The following NRXN3 variants were observed in gnomAD, a reference collection of about 807,000 sequenced individuals.
NRXN3 encodes the protein neurexin 3.
A neutral mutation model predicts 137.6 loss-of-function variants in NRXN3; 32 were observed. The ratio of observed to expected loss-of-function variants is 0.23; its 90% CI spans 0.18 to 0.31. The LOEUF is 0.31. Among genes scored for constraint, NRXN3 ranks in the 10% least tolerant of loss-of-function variants. NRXN3 has a pLI of 1.00. For missense variants in NRXN3, 1,574 were observed against 2,062.5 expected, an observed-to-expected ratio of 0.76 and a Z score of 4.59; for synonymous variants, 798 against 784.5, an observed-to-expected ratio of 1.02 and a Z score of -0.29.
At chr14:79,106,290 A>G (rs2052421297) in intron 15 of NRXN3, among the ~76,000 whole-genome samples, 2 of 152,038 alleles carry the variant, frequency 1.3e-5, no homozygotes, top group Admixed American at 1.3e-4. Context: ...GCTTGGACTG[A>G]AACCCAATTC....
At chr14:79,112,204 A>G (rs1205384302) in intron 15 of NRXN3, among the ~76,000 whole-genome samples, 1 of 152,240 alleles carries the variant, frequency 6.6e-6, no homozygotes, top group Non-Finnish European at 1.5e-5. Flanking sequence ...ATGTTTAAAA[A>G]GTAACCCTTT....
intron 15 of NRXN3, among the ~76,000 whole-genome samples, chr14:79,004,579 T>C (rs1380816605): frequency 2.0e-5 from 3 of 152,230 alleles, no homozygotes; most frequent in Non-Finnish European, 4.4e-5. Flanking sequence ...AAATATTTCA[T>C]GCTAAATAAG....
intron 15 of NRXN3, among the ~76,000 whole-genome samples, chr14:79,305,889 G>A (rs2085963818): frequency 6.6e-6 from 1 of 152,070 alleles, no homozygotes; most frequent in Admixed American, 6.6e-5. Context: ...AACAAATAAA[G>A]TGGGGTCGGA....
chr14:79,508,830 A>G (rs1401136388), intron 16 of NRXN3, among the ~76,000 whole-genome samples: 4 of 152,194 alleles, frequency 2.6e-5, no homozygotes, highest in African/African-American at 9.7e-5. Context: ...GCTTGATTAC[A>G]TTTTAGGAAA....
At chr14:79,185,521 AGTG>A (rs2063430146) in intron 15 of NRXN3, among the ~76,000 whole-genome samples, 1 of 148,694 alleles carries the variant, frequency 6.7e-6, no homozygotes, top group African/African-American at 2.5e-5. Context: ...GCTGGAGTGC[AGTG>A]GCACAATCTT....
chr14:79,063,080 A>C (rs2099676212), intron 15 of NRXN3, among the ~76,000 whole-genome samples: 1 of 152,172 alleles, frequency 6.6e-6, no homozygotes, highest in Admixed American at 6.5e-5. Flanking sequence ...GGTGTGTTCA[A>C]CTGTGGACAT....
At chr14:78,643,399 C>T (rs539301676) in intron 4 of NRXN3, among the ~76,000 whole-genome samples, 1 of 152,252 alleles carries the variant, frequency 6.6e-6, no homozygotes, top group East Asian at 1.9e-4. Flanking sequence ...TAATGAGGTG[C>T]TTTTGATAGC....
rs534351827 is a variant in NRXN3 at position 79,660,543 on chromosome 14, C to A, written c.3445-3235C>A. ...ATATTTATTCTGGCAGAGATTAAAT[C>A]TTTTCTTTTCCTGAATCAAATATGG... On this transcript the variant is annotated intron_variant, in intron 16 of 20. Coordinates refer to ENST00000335750, the MANE Select transcript of NRXN3 (RefSeq NM_001330195.2). Among the ~76,000 whole-genome samples, 5 of 152,286 alleles carry A rather than the reference C, an allele frequency of 3.3e-5. No homozygotes were observed. In the South Asian group the frequency reaches 6.2e-4, roughly 19 times the overall value.
intron 15 of NRXN3, among the ~76,000 whole-genome samples, chr14:79,137,489 C>T (rs188131987): frequency 6.6e-6 from 1 of 152,254 alleles, no homozygotes; most frequent in Admixed American, 6.5e-5. Flanking sequence ...GGCAATCATG[C>T]AGAGCCCTTC....
chr14:78,353,633 A>G (rs1325733644), intron 4 of NRXN3, among the ~76,000 whole-genome samples: 1 of 152,202 alleles, frequency 6.6e-6, no homozygotes, highest in African/African-American at 2.4e-5. Context: ...TGAAGAAAAA[A>G]AAATCTGCAA....
chr14:78,622,124 C>T (rs1353648195), intron 4 of NRXN3, among the ~76,000 whole-genome samples: 5 of 152,094 alleles, frequency 3.3e-5, no homozygotes, highest in African/African-American at 1.2e-4. Flanking sequence ...TGGATCAATG[C>T]CCCATGGTAC....
chr14:79,457,934 T>C (rs2096278445), intron 15 of NRXN3, among the ~76,000 whole-genome samples: 3 of 152,190 alleles, frequency 2.0e-5, no homozygotes, highest in African/African-American at 7.2e-5. Context: ...AATGCACTTC[T>C]GAAAAATAAA....
intron 8 of NRXN3, among the ~76,000 whole-genome samples, chr14:78,781,277 G>A (rs1595805112): frequency 6.6e-6 from 1 of 152,108 alleles, no homozygotes; most frequent in Non-Finnish European, 1.5e-5. Context: ...TGGACATGAC[G>A]AATGTCCCTT....
chr14:78,614,689 A>C (rs1251586457), intron 4 of NRXN3, among the ~76,000 whole-genome samples: 1 of 152,180 alleles, frequency 6.6e-6, no homozygotes, highest in Non-Finnish European at 1.5e-5. Context: ...CATATTTTGC[A>C]CTTGAAGTTT....
chr14:79,695,986 C>T (rs1207027456), intron 18 of NRXN3, among the ~76,000 whole-genome samples: 1 of 151,974 alleles, frequency 6.6e-6, no homozygotes, highest in African/African-American at 2.4e-5. Flanking sequence ...GTGTTGAAAG[C>T]TTCCAAAGGG....
intron 10 of NRXN3, among the ~76,000 whole-genome samples, chr14:78,893,713 T>C (rs1373258919): frequency 4.0e-5 from 6 of 149,338 alleles, no homozygotes; most frequent in African/African-American, 1.5e-4. Flanking sequence ...CAATTTTGGA[T>C]TTTTTGAGGG....
At chr14:79,281,870 C>T (rs1350831546) in intron 15 of NRXN3, 1 of 152,300 alleles carries the variant, frequency 6.6e-6, no homozygotes, top group Non-Finnish European at 1.5e-5. Flanking sequence ...CCTGCTGCCT[C>T]CTAGCCCTGA....
At chr14:79,422,722 C>T (rs1299004866) in intron 15 of NRXN3, among the ~76,000 whole-genome samples, 7 of 114,584 alleles carry the variant, frequency 6.1e-5, no homozygotes, top group East Asian at 5.3e-4. Context: ...TTTTTTGAGA[C>T]GGAATCTTGC....
At chr14:78,684,264 G>T (rs144114544) in intron 6 of NRXN3, among the ~76,000 whole-genome samples, 1 of 152,212 alleles carries the variant, frequency 6.6e-6, no homozygotes, top group Non-Finnish European at 1.5e-5. Context: ...CCTCTAACGA[G>T]GGGGCACAAT....
Sources: allele counts gnomAD v4.1 joint callset (sites outside exome capture counted in the v4.1 genomes callset), GRCh38; gene constraint gnomAD v4.1.1; transcripts MANE v1.5; gene names NCBI Gene and HGNC (gene_info 2026-07-23, HGNC 2026-07-21).